Variants in ERBB4 observed in about 807,000 individuals in gnomAD.
ERBB4 encodes erb-b2 receptor tyrosine kinase 4, also known as receptor tyrosine-protein kinase erbB-4.
ERBB4 carries 42 observed loss-of-function variants against 158.0 expected under a neutral mutation model. That is an observed-to-expected ratio of 0.27 (90% CI 0.21 to 0.34). The LOEUF (loss-of-function observed/expected upper bound fraction) is 0.34. Ranked by LOEUF, ERBB4 falls within the 10% of genes least tolerant of loss-of-function variation. The pLI, the probability that ERBB4 is intolerant of heterozygous loss-of-function variation, is 1.00. For synonymous variants in ERBB4, 583 were observed against 558.7 expected (o/e 1.04, Z -0.61); for missense variants, 1,333 against 1,624.1 (o/e 0.82, Z 3.08).
At chr2:211,688,352 C>T (rs1174445407) in intron 12 of ERBB4, among the ~76,000 whole-genome samples, 1 of 152,140 alleles carries the variant, frequency 6.6e-6, no homozygotes, top group Non-Finnish European at 1.5e-5. Context: ...GGACTCCTAG[C>T]TCTGTCTTCT....
intron 1 of ERBB4, among the ~76,000 whole-genome samples, chr2:212,186,854 T>C (rs958892779): frequency 6.6e-6 from 1 of 152,208 alleles, no homozygotes; most frequent in South Asian, 2.1e-4. Flanking sequence ...CTCTATATTA[T>C]AGCAGTTATT....
At chr2:211,547,281 A>G (rs2066966942) in intron 20 of ERBB4, among the ~76,000 whole-genome samples, 1 of 152,132 alleles carries the variant, frequency 6.6e-6, no homozygotes, top group African/African-American at 2.4e-5. Context: ...TCTGGAGAAA[A>G]AAAATTGGTT....
intron 2 of ERBB4, among the ~76,000 whole-genome samples, chr2:211,954,570 T>A (rs943331285): frequency 6.6e-6 from 1 of 152,058 alleles, no homozygotes; most frequent in African/African-American, 2.4e-5. Flanking sequence ...ACAAATATAA[T>A]GCTGATTACT....
chr2:212,213,991 G>A (rs757283336), intron 1 of ERBB4, among the ~76,000 whole-genome samples: 5 of 151,838 alleles, frequency 3.3e-5, no homozygotes, highest in Non-Finnish European at 4.4e-5. Flanking sequence ...TCACCAAGCC[G>A]TGCAAGGACA....
At position 212,367,362 on chromosome 2, in the gene ERBB4, C is replaced by T. The variant is rs925807099; in HGVS notation, c.82+171087G>A. ...AAAGGACACCCTTTTCAACAAATGG[C>T]GCTGGGATAATTGGCTAGCCACACG... On this transcript the variant is annotated intron_variant, in intron 1 of 27. Coordinates refer to ENST00000342788, the MANE Select transcript of ERBB4 (RefSeq NM_005235.3). Among the ~76,000 whole-genome samples the T allele has an allele frequency of 1.6e-4, 25 of 152,016 alleles. 1 individual carries two copies. The highest frequency in any genetic ancestry group is 2.0e-4 in the Admixed American group (3 of 15,218).
At chr2:212,410,506 A>T (rs945632739) in intron 1 of ERBB4, among the ~76,000 whole-genome samples, 3 of 152,018 alleles carry the variant, frequency 2.0e-5, no homozygotes, top group Non-Finnish European at 4.4e-5. Context: ...GAAAATCCTG[A>T]ACGGCATTAA....
At chr2:212,113,733 C>T (rs2079490499) in intron 2 of ERBB4, among the ~76,000 whole-genome samples, 1 of 152,044 alleles carries the variant, frequency 6.6e-6, no homozygotes, top group Admixed American at 6.6e-5. Flanking sequence ...CAATAAGCTG[C>T]ACTACCTATA....
In ERBB4 at chr2:211,423,004, T is replaced by G. The variant is rs184581886; in HGVS notation, c.2867-900A>C. On this transcript the variant is annotated intron_variant, in intron 23 of 27. Coordinates refer to ENST00000342788, the MANE Select transcript of ERBB4 (RefSeq NM_005235.3). ...TTTTATTCCTATTCTGGGAATTTTT[T>G]GGGTGTCATTTTATGTATCATTAAT... Among the ~76,000 whole-genome samples, 7 of 151,996 alleles carry G rather than the reference T, an allele frequency of 4.6e-5. No homozygotes were observed. The East Asian group carries it at 1.4e-3, about 29-fold the overall frequency.
At chr2:211,888,727 C>T (rs2078875278) in intron 3 of ERBB4, among the ~76,000 whole-genome samples, 1 of 152,130 alleles carries the variant, frequency 6.6e-6, no homozygotes, top group Admixed American at 6.5e-5. Flanking sequence ...CGAGGCATTG[C>T]CTCACCTGGG....
At chr2:211,460,876 G>A (rs957909769) in intron 20 of ERBB4, among the ~76,000 whole-genome samples, 3 of 152,038 alleles carry the variant, frequency 2.0e-5, no homozygotes, top group Admixed American at 1.3e-4. Context: ...AAAAACCAAA[G>A]GTAACATTGT....
At chr2:211,640,101 G>T (rs1002982704) in intron 16 of ERBB4, among the ~76,000 whole-genome samples, 5 of 150,776 alleles carry the variant, frequency 3.3e-5, no homozygotes, top group Non-Finnish European at 5.9e-5. Flanking sequence ...AAGCATTTTT[G>T]ATTTTTTTTT....
intron 20 of ERBB4, among the ~76,000 whole-genome samples, chr2:211,486,235 A>T (rs1012724305): frequency 1.3e-5 from 2 of 152,142 alleles, no homozygotes; most frequent in African/African-American, 4.8e-5. Flanking sequence ...CTTAATTAAC[A>T]CTGCTTGCTC....
At chr2:211,715,650 T>G (rs993624273) in intron 7 of ERBB4, among the ~76,000 whole-genome samples, 3 of 152,120 alleles carry the variant, frequency 2.0e-5, no homozygotes, top group Admixed American at 2.0e-4. Flanking sequence ...TAGCATGAGA[T>G]CTGGTTGTTT....
chr2:212,107,017 T>G (rs1452919005), intron 2 of ERBB4, among the ~76,000 whole-genome samples: 1 of 152,242 alleles, frequency 6.6e-6, no homozygotes, highest in Non-Finnish European at 1.5e-5. Flanking sequence ...GCAGAACATC[T>G]GCTAGGGAAG....
intron 16 of ERBB4, among the ~76,000 whole-genome samples, chr2:211,633,226 C>T (rs937361681): frequency 6.6e-6 from 1 of 152,054 alleles, no homozygotes; most frequent in African/African-American, 2.4e-5. Context: ...TTTTGGAAAA[C>T]TTGAAAGATC....
At chr2:212,433,421 AT>A (rs1490008706) in intron 1 of ERBB4, among the ~76,000 whole-genome samples, 2 of 152,004 alleles carry the variant, frequency 1.3e-5, no homozygotes, top group Non-Finnish European at 2.9e-5. Context: ...TTAATTTCAA[AT>A]TTCTCACCCC....
chr2:211,434,409 A>T (rs1352835379), intron 20 of ERBB4, among the ~76,000 whole-genome samples: 1 of 152,140 alleles, frequency 6.6e-6, no homozygotes, highest in Non-Finnish European at 1.5e-5. Context: ...CCTTCGAGAG[A>T]TCTGTTGCTT....
intron 1 of ERBB4, among the ~76,000 whole-genome samples, chr2:212,486,434 T>C (rs1320464253): frequency 1.3e-5 from 2 of 152,098 alleles, no homozygotes; most frequent in African/African-American, 2.4e-5. Flanking sequence ...ATATAAATAA[T>C]GTTGTATTTG....
intron 1 of ERBB4, among the ~76,000 whole-genome samples, chr2:212,270,557 G>A: frequency 6.6e-6 from 1 of 151,594 alleles, no homozygotes; most frequent in East Asian, 1.9e-4. Flanking sequence ...TTTGAATCTG[G>A]GCTGCACCAT....
Sources: allele counts gnomAD v4.1 joint callset (sites outside exome capture counted in the v4.1 genomes callset), GRCh38; gene constraint gnomAD v4.1.1; transcripts MANE v1.5; gene names NCBI Gene and HGNC (gene_info 2026-07-23, HGNC 2026-07-21).